HMG20A: variants seen among roughly 807,000 people sequenced by gnomAD.
HMG20A encodes high mobility group 20A, also known as high mobility group protein 20A.
Under a neutral mutation model 43.9 loss-of-function variants are expected in HMG20A, and 17 were observed. That is an observed-to-expected ratio of 0.39 (90% confidence interval 0.27 to 0.58). The LOEUF (loss-of-function observed/expected upper bound fraction) is 0.58. Among genes scored for constraint, HMG20A ranks in the 20% least tolerant of loss-of-function variants. The pLI, the probability that HMG20A is intolerant of heterozygous loss-of-function variation, is 0.59. For missense variants in HMG20A, 341 were observed against 438.2 expected (o/e 0.78, Z 1.98); for synonymous variants, 132 against 147.5 (o/e 0.89, Z 0.76).
At chr15:77,461,897 G>A (rs574281173) in intron 2 of HMG20A, among the ~76,000 whole-genome samples, 49 of 152,270 alleles carry the variant, frequency 3.2e-4, no homozygotes, top group African/African-American at 1.2e-3. Context: ...TTGGAAAACA[G>A]CACTGCAGAG....
chr15:77,467,833 T>C (rs538429213), intron 4 of HMG20A, among the ~76,000 whole-genome samples: 277 of 152,336 alleles, frequency 1.8e-3, no homozygotes, highest in Non-Finnish European at 2.5e-3. Flanking sequence ...CAAACTGAAA[T>C]GAATCCGTTC....
At chr15:77,434,050 A>G (rs1054803365) in intron 1 of HMG20A, among the ~76,000 whole-genome samples, 1 of 152,232 alleles carries the variant, frequency 6.6e-6, no homozygotes, top group African/African-American at 2.4e-5. Context: ...TCTGTGGAAC[A>G]TAATTGAGAG....
intron 1 of HMG20A, among the ~76,000 whole-genome samples, chr15:77,426,279 C>T (rs1044710101): frequency 6.6e-6 from 1 of 152,102 alleles, no homozygotes; most frequent in African/African-American, 2.4e-5. Flanking sequence ...GTCAAAAATC[C>T]ATGTATAACT....
At chr15:77,517,770 G>A in the HMG20A span, among the ~76,000 whole-genome samples, 4 of 151,798 alleles carry the variant, frequency 2.6e-5, no homozygotes, top group African/African-American at 7.3e-5. Flanking sequence ...GGGCTCAGAC[G>A]ACCCTTCCCC....
chr15:77,507,337 C>A, the HMG20A span, among the ~76,000 whole-genome samples: 2 of 152,156 alleles, frequency 1.3e-5, no homozygotes, highest in African/African-American at 4.8e-5. Flanking sequence ...AGAGTGTAGG[C>A]AGGTGCATGT....
At chr15:77,499,764 G>A in the HMG20A span, among the ~76,000 whole-genome samples, 12 of 151,964 alleles carry the variant, frequency 7.9e-5, no homozygotes, top group African/African-American at 2.7e-4. Context: ...CCACCAGTTC[G>A]TCCTGCACAC....
chr15:77,481,000 A>C (rs1185261663), intron 9 of HMG20A, among the ~76,000 whole-genome samples: 2 of 152,182 alleles, frequency 1.3e-5, no homozygotes, highest in African/African-American at 4.8e-5. Context: ...GTTCCTTAGA[A>C]TGGTCATGGG....
intron 1 of HMG20A, among the ~76,000 whole-genome samples, chr15:77,452,440 A>G (rs928046450): frequency 4.6e-5 from 7 of 152,242 alleles, no homozygotes; most frequent in Non-Finnish European, 8.8e-5. Flanking sequence ...TGATTGATCC[A>G]AGAACACATG....
At chr15:77,456,285 T>G (rs1310197252) in intron 1 of HMG20A, among the ~76,000 whole-genome samples, 1 of 152,132 alleles carries the variant, frequency 6.6e-6, no homozygotes, top group Non-Finnish European at 1.5e-5. Context: ...CCTCACCAGA[T>G]AATATATCTT....
chr15:77,500,631 C>T, the HMG20A span, among the ~76,000 whole-genome samples: 5 of 150,990 alleles, frequency 3.3e-5, no homozygotes, highest in East Asian at 1.9e-4. Context: ...TGCAATGACA[C>T]GATCTTGGCT....
At chr15:77,466,253 T>G (rs936405629) in intron 3 of HMG20A, among the ~76,000 whole-genome samples, 58 of 152,174 alleles carry the variant, frequency 3.8e-4, no homozygotes, top group African/African-American at 1.3e-3. Flanking sequence ...TGGTGGCACA[T>G]GCCTGTAATC....
At position 77,484,447 on chromosome 15, in the gene HMG20A, A is replaced by G. The variant is rs943916385; in HGVS notation, c.*1484A>G. 2.0e-5 allele frequency: 3 copies of G among 152,676 alleles called. No homozygotes were observed. Among genetic ancestry groups the G allele is most frequent in the African/African-American group, 7.2e-5 (3 of 41,462 alleles). The allele number at this position is 152,676 out of a possible 1,614,324, so 9.5% of individuals were successfully genotyped here. ...GTCTGGGCCCCACACCACTGCAGGC[A>G]GGTGGATAGAAGTGCGGCCCCTCTC... On this transcript the variant is annotated 3_prime_UTR_variant, in exon 10 of 10. Transcript: ENST00000336216.
chr15:77,471,898 T>TA (rs1234742400), intron 6 of HMG20A, 84 bp downstream of exon 6: 1 of 671,694 alleles, frequency 1.5e-6, no homozygotes, highest in African/African-American at 1.9e-5. Context: ...TTTTTTTTTT[T>TA]AATGAATGGC....
At chr15:77,463,094 T>C (rs1044915480) in intron 2 of HMG20A, among the ~76,000 whole-genome samples, 1 of 152,046 alleles carries the variant, frequency 6.6e-6, no homozygotes, top group African/African-American at 2.4e-5. Context: ...AAGTATCTCT[T>C]AACTGTCCTT....
At position 77,465,260 on chromosome 15, in the gene HMG20A, C is replaced by CAAA. The variant is rs71145837; in HGVS notation, c.237+896_237+898dup. Among the ~76,000 whole-genome samples, 181 of 59,008 alleles carry CAAA rather than the reference C, an allele frequency of 3.1e-3. 1 individual carries two copies. The highest frequency in any genetic ancestry group is 5.6e-3 in the African/African-American group (60 of 10,668). The allele number at this position is 59,008 out of a possible 152,430, so 38.7% of individuals were successfully genotyped here. A position where few individuals can be genotyped will look rare whatever the true frequency, so the allele number is the denominator to read the frequency against. On this transcript the variant is annotated intron_variant, in intron 3 of 9. Transcript: ENST00000336216. The stretch of plus-strand genomic sequence containing the variant: ...TGGGCTACAGAGCGAGACTTCGTCT[C>CAAA]AAAAAAAAAAAAAAAAAAAAAAAAA...
the HMG20A span, among the ~76,000 whole-genome samples, chr15:77,503,801 G>A: frequency 1.3e-5 from 2 of 152,142 alleles, no homozygotes; most frequent in African/African-American, 4.8e-5. Flanking sequence ...GTCACTCTGG[G>A]GTAGGGCCCA....
downstream of HMG20A, among the ~76,000 whole-genome samples, chr15:77,487,430 A>G (rs1016908948): frequency 3.9e-5 from 6 of 152,164 alleles, no homozygotes; most frequent in African/African-American, 1.2e-4. Flanking sequence ...TCTCTTGGCC[A>G]TTTGAGAATG....
chr15:77,467,021 T>G, intron 3 of HMG20A, 74 bp from the exon 4 acceptor site: 1 of 1,243,288 alleles, frequency 8.0e-7, no homozygotes, highest in Non-Finnish European at 1.1e-6. Flanking sequence ...GTTGTTTGTT[T>G]TTGTTGTTGT....
intron 1 of HMG20A, among the ~76,000 whole-genome samples, chr15:77,430,800 A>G (rs1305613196): frequency 2.0e-5 from 3 of 152,226 alleles, no homozygotes; most frequent in African/African-American, 7.2e-5. Context: ...CTTTAAGCCA[A>G]TAGCTTTGGA....
Sources: gnomAD v4.1 joint callset for allele counts (sites outside exome capture counted in the v4.1 genomes callset) on GRCh38, gnomAD v4.1.1 for gene constraint, MANE v1.5 for transcripts, NCBI Gene and HGNC (gene_info 2026-07-23, HGNC 2026-07-21) for gene names.